The following HHLA1 variants were observed in gnomAD, a reference collection of about 807,000 sequenced individuals.
The protein encoded by HHLA1 is HERV-H LTR-associating protein 1.
HHLA1 carries 72 observed loss-of-function variants against 69.9 expected under a neutral mutation model. The observed-to-expected ratio is 1.03, with a 90% CI of 0.85 to 1.25. The LOEUF (loss-of-function observed/expected upper bound fraction) is 1.25. HHLA1 is among the 50% of genes most tolerant of loss of function. HHLA1 has a pLI of 0.00. For synonymous variants in HHLA1, 252 were observed against 233.2 expected (o/e 1.08, Z -0.73); for missense variants, 685 against 642.2 (o/e 1.07, Z -0.72).
intron 10 of HHLA1, among the ~76,000 whole-genome samples, chr8:132,082,513 T>C (rs1329518651): frequency 1.3e-5 from 2 of 152,060 alleles, no homozygotes; most frequent in African/African-American, 4.8e-5. Context: ...GGAGAGCACG[T>C]GTGTTTTTAT....
intron 7 of HHLA1, among the ~76,000 whole-genome samples, chr8:132,092,397 C>G (rs1586732240): frequency 6.6e-6 from 1 of 152,158 alleles, no homozygotes; most frequent in African/African-American, 2.4e-5. Flanking sequence ...TGGTTTGGAT[C>G]TGTGTCCTTG....
chr8:132,076,452 C>G (rs755185445), intron 13 of HHLA1, 23 bp downstream of exon 13: 2 of 1,484,202 alleles, frequency 1.3e-6, no homozygotes, highest in Non-Finnish European at 1.8e-6. Context: ...CCCAAACCCC[C>G]ACTTCCGTAC....
intron 10 of HHLA1, among the ~76,000 whole-genome samples, chr8:132,083,622 C>T (rs1271048241): frequency 1.3e-5 from 2 of 152,122 alleles, no homozygotes; most frequent in Non-Finnish European, 2.9e-5. Context: ...TGGGGTCCCA[C>T]ACAGATGGGA....
chr8:132,073,042 A>G (rs1823575261), intron 14 of HHLA1, among the ~76,000 whole-genome samples: 1 of 152,222 alleles, frequency 6.6e-6, no homozygotes, highest in Admixed American at 6.5e-5. Flanking sequence ...TTACTTAATG[A>G]GTTCAATAAT....
At chr8:132,094,489 G>C (rs1230979464) in intron 7 of HHLA1, among the ~76,000 whole-genome samples, 1 of 152,080 alleles carries the variant, frequency 6.6e-6, no homozygotes, top group Non-Finnish European at 1.5e-5. Flanking sequence ...CAGTTATGCT[G>C]GCTTCTCTGG....
chr8:132,074,138 GTCC>G (rs1320639632), intron 14 of HHLA1, among the ~76,000 whole-genome samples: 2 of 152,156 alleles, frequency 1.3e-5, no homozygotes, highest in Non-Finnish European at 2.9e-5. Flanking sequence ...TTCAACATCA[GTCC>G]TTTTAAGGTA....
rs1298224348 is a variant in HHLA1 at position 132,076,553 on chromosome 8, G to T, written c.1172-10C>A. 1 of 1,510,314 alleles carries T rather than the reference G, an allele frequency of 6.6e-7. No individual in the cohort carries two copies. The highest frequency in any genetic ancestry group is 1.4e-5 in the African/African-American group (1 of 71,562). 93.6% of individuals were successfully genotyped at this position (1,510,314 alleles called of 1,614,324 possible). On this transcript the variant is annotated splice_polypyrimidine_tract_variant and intron_variant, in intron 12 of 16. Coordinates refer to ENST00000414222, the MANE Select transcript of HHLA1 (RefSeq NM_001145095.3). ...CCATGGGTGAATGCTCCTGGGAGGA[G>T]ATGAGAGAGAGGTGAGCCTGCATCT...
At chr8:132,083,507 G>A (rs539508435) in intron 10 of HHLA1, among the ~76,000 whole-genome samples, 61 of 152,272 alleles carry the variant, frequency 4.0e-4, no homozygotes, top group South Asian at 1.2e-3. Context: ...GTCTTCAGCC[G>A]CTAAGCCAAG....
intron 16 of HHLA1, among the ~76,000 whole-genome samples, chr8:132,064,730 C>G (rs1823407049): frequency 6.6e-6 from 1 of 152,078 alleles, no homozygotes. Flanking sequence ...TTTAGGAGAG[C>G]TACTGAGTGA....
At chr8:132,067,772 G>A (rs944893846) in intron 15 of HHLA1, among the ~76,000 whole-genome samples, 9 of 152,210 alleles carry the variant, frequency 5.9e-5, no homozygotes, top group African/African-American at 2.2e-4. Context: ...CATGAATGGT[G>A]CTCCTGGAGT....
intron 15 of HHLA1, among the ~76,000 whole-genome samples, chr8:132,068,187 G>A (rs1219815288): frequency 6.6e-6 from 1 of 152,208 alleles, no homozygotes; most frequent in Non-Finnish European, 1.5e-5. Context: ...CCAAGTGTGA[G>A]GCCAGGATTT....
rs553730165 is a variant in HHLA1, at chr8:132,098,414, C to A, written c.280+468G>T. On this transcript the variant is annotated intron_variant, in intron 5 of 16. Coordinates refer to ENST00000414222, the MANE Select transcript of HHLA1 (RefSeq NM_001145095.3). ...AATTCGCTCTCAAAATTCTTGTAAA[C>A]CTTCTACGTCATTTTGAGTAAGGTA... is the stretch of plus-strand genomic sequence containing the variant. 5.9e-5 allele frequency among the ~76,000 whole-genome samples: 9 copies of A among 152,206 alleles called. No individual in the cohort carries two copies. The East Asian group carries it at 1.4e-3, about 23-fold the overall frequency.
In HHLA1 at chr8:132,062,414, G is replaced by A. The variant is rs75455660; in HGVS notation, c.*1581C>T. ...CACAGGAGTGCCAGGGAACTCAGGG[G>A]TCTTCCAATGGCAGAAACTGTTTTC... On this transcript the variant is annotated 3_prime_UTR_variant, in exon 17 of 17. Coordinates refer to ENST00000414222, the MANE Select transcript of HHLA1 (RefSeq NM_001145095.3). The A allele has an allele frequency of 2.6e-5, 4 of 152,320 alleles. No individual in the cohort carries two copies. In the East Asian group the frequency reaches 5.8e-4, roughly 22 times the overall value. 9.4% of individuals were successfully genotyped at this position (152,320 alleles called of 1,614,324 possible).
intron 10 of HHLA1, among the ~76,000 whole-genome samples, chr8:132,081,632 C>A (rs186098958): frequency 6.6e-6 from 1 of 152,246 alleles, no homozygotes; most frequent in Non-Finnish European, 1.5e-5. Context: ...GAAATGACTG[C>A]GGTGGCCTTC....
chr8:132,100,004 G>A, intron 4 of HHLA1, 71 bp downstream of exon 4: 1 of 1,113,034 alleles, frequency 9.0e-7, no homozygotes, highest in South Asian at 1.3e-5. Flanking sequence ...GGAAAGAACA[G>A]AGGTCTAGAG....
chr8:132,071,590 G>A, intron 14 of HHLA1, 97 bp from the exon 15 acceptor site: 1 of 1,125,694 alleles, frequency 8.9e-7, no homozygotes. Context: ...GTCTTGTCCT[G>A]ATCTCACGTA....
At chr8:132,100,167 T>A in intron 3 of HHLA1, 33 bp from the exon 4 acceptor site, 1 of 1,475,312 alleles carries the variant, frequency 6.8e-7, no homozygotes, top group Non-Finnish European at 9.3e-7. Flanking sequence ...GAGAAAAATG[T>A]GAGTGGTCCA....
At chr8:132,094,002 C>A (rs528962128) in intron 7 of HHLA1, among the ~76,000 whole-genome samples, 1 of 152,262 alleles carries the variant, frequency 6.6e-6, no homozygotes, top group South Asian at 2.1e-4. Flanking sequence ...AAATTCTACT[C>A]AGTGGGGGAA....
intron 1 of HHLA1, among the ~76,000 whole-genome samples, chr8:132,107,771 T>A (rs1298461353): frequency 6.6e-6 from 1 of 152,218 alleles, no homozygotes; most frequent in Non-Finnish European, 1.5e-5. Context: ...GGACACCATT[T>A]GAATTTGAGA....
Sources: allele counts gnomAD v4.1 joint callset (sites outside exome capture counted in the v4.1 genomes callset), GRCh38; gene constraint gnomAD v4.1.1; transcripts MANE v1.5; gene names NCBI Gene and HGNC (gene_info 2026-07-23, HGNC 2026-07-21).